The following ATXN3 variants were observed in gnomAD, a reference collection of about 807,000 sequenced individuals.
The protein encoded by ATXN3 is ataxin 3.
Under a neutral mutation model 58.2 loss-of-function variants are expected in ATXN3, and 28 were observed. The observed-to-expected ratio is 0.48, with a 90% CI of 0.36 to 0.66. ATXN3 has a LOEUF of 0.66. Among genes scored for constraint, ATXN3 ranks in the 30% least tolerant of loss-of-function variants. The pLI, the probability that ATXN3 is intolerant of heterozygous loss-of-function variation, is 0.00. For missense variants in ATXN3, 321 were observed against 422.1 expected, an observed-to-expected ratio of 0.76 and a Z score of 2.10; for synonymous variants, 113 against 138.5, an observed-to-expected ratio of 0.82 and a Z score of 1.29.
intron 1 of ATXN3, among the ~76,000 whole-genome samples, chr14:92,103,327 C>T (rs928945342): frequency 1.3e-5 from 2 of 152,218 alleles, no homozygotes; most frequent in Non-Finnish European, 2.9e-5. Flanking sequence ...ACAGAGACTA[C>T]AGCTGGCCTG....
At chr14:92,050,185 G>C (rs2057443428), upstream of ATXN3, among the ~76,000 whole-genome samples, 1 of 151,670 alleles carries the variant, frequency 6.6e-6, no homozygotes, top group Non-Finnish European at 1.5e-5. Context: ...CTGTGTGTTT[G>C]TATGTGTGTA....
At chr14:92,069,400 G>A (rs1232134752) in intron 10 of ATXN3, among the ~76,000 whole-genome samples, 1 of 97,850 alleles carries the variant, frequency 1.0e-5, no homozygotes, top group Non-Finnish European at 2.0e-5. Context: ...TTGAGACAGA[G>A]TTTTGCTCTG....
rs2058003749 is a variant in ATXN3 at position 92,064,379 on chromosome 14, C to G, written c.1027G>C (p.Ala343Pro). 1 of 1,613,122 alleles carries G rather than the reference C, an allele frequency of 6.2e-7. No individual in the cohort carries two copies. The highest frequency in any genetic ancestry group is 1.3e-5 in the African/African-American group (1 of 74,914). Residue 343 changes from alanine (A) to proline (P), a missense_variant, in exon 11 of 11, where the codon GCT (alanine) becomes CCT (proline). Ala to Pro is a conservative substitution (Grantham distance 27). Transcript: ENST00000644486. ...AMSEEDMLQA[A>P]VTMSLETVRN... ...ACAGTTTCTAAAGACATGGTCACAGCTGCCTGAAGCATGTCTTCTTCACTC... is the reference window on the plus strand; with the variant it reads ...ACAGTTTCTAAAGACATGGTCACAGGTGCCTGAAGCATGTCTTCTTCACTC...
At chr14:92,085,264 G>A (rs2062193644) in intron 6 of ATXN3, among the ~76,000 whole-genome samples, 1 of 151,482 alleles carries the variant, frequency 6.6e-6, no homozygotes, top group African/African-American at 2.4e-5. Flanking sequence ...TTGGCTCGCT[G>A]TAACCTCTGC....
At chr14:92,070,758 T>A in intron 10 of ATXN3, 177 bp downstream of exon 10, 1 of 1,330,462 alleles carries the variant, frequency 7.5e-7, no homozygotes, top group Non-Finnish European at 9.8e-7. Flanking sequence ...TTTTTTTTTT[T>A]TTCTTTTGGT....
intron 10 of ATXN3, among the ~76,000 whole-genome samples, chr14:92,067,041 A>G (rs2058578459): frequency 6.6e-6 from 1 of 152,072 alleles, no homozygotes; most frequent in Non-Finnish European, 1.5e-5. Flanking sequence ...AAGTGCTGGG[A>G]TTACAGGTGT....
At chr14:92,097,460 T>C (rs902388620) in intron 1 of ATXN3, among the ~76,000 whole-genome samples, 4 of 151,808 alleles carry the variant, frequency 2.6e-5, no homozygotes, top group Non-Finnish European at 5.9e-5. Flanking sequence ...ACTCCTGATC[T>C]TGTGATCCGC....
chr14:92,083,182 T>C lies in ATXN3; in HGVS notation c.552A>G (p.Gln184=), dbSNP rs1376588660. Reference sequence around the variant, plus strand: ...CAATAAGTTTTGGTCGATGCATCTGTTGGACCCTAATCATCTGCAGGAGTT... The same window carrying C: ...CAATAAGTTTTGGTCGATGCATCTGCTGGACCCTAATCATCTGCAGGAGTT... The part of the protein sequence containing the change: ...ADQLLQMIRV[Q]QMHRPKLIGE... The change falls in exon 7 of 11, where the codon CAA becomes CAG. Residue 184 remains glutamine (Q), a synonymous_variant. Transcript: ENST00000644486. 1 of 1,614,006 alleles carries C rather than the reference T, an allele frequency of 6.2e-7. No homozygotes were observed. The highest frequency in any genetic ancestry group is 1.3e-5 in the African/African-American group (1 of 75,038).
At chr14:92,101,435 T>G (rs1173632927) in intron 1 of ATXN3, among the ~76,000 whole-genome samples, 2 of 152,220 alleles carry the variant, frequency 1.3e-5, no homozygotes, top group Non-Finnish European at 2.9e-5. Flanking sequence ...ACAATGACAA[T>G]GAGCCCACGT....
At chr14:92,082,642 T>TC (rs1362110649) in intron 7 of ATXN3, among the ~76,000 whole-genome samples, 176 bp from the exon 8 acceptor site, 1 of 147,504 alleles carries the variant, frequency 6.8e-6, no homozygotes, top group African/African-American at 2.6e-5. Flanking sequence ...GTTTTTTTTT[T>TC]CCGTTTCTTT....
chr14:92,077,187 T>C (rs763940445), intron 9 of ATXN3, among the ~76,000 whole-genome samples: 5 of 152,154 alleles, frequency 3.3e-5, no homozygotes, highest in Admixed American at 3.3e-4. Flanking sequence ...ATATAAATTA[T>C]GCCACATCCA....
Position 92,083,229 on chromosome 14 carries a change from G to A in ATXN3, c.505C>T (p.Leu169=). 6.2e-7 allele frequency: 1 copy of A among 1,612,942 alleles called. No homozygotes were observed. Among genetic ancestry groups the A allele is most frequent in the Non-Finnish European group, 8.5e-7 (1 of 1,179,696 alleles). ...GYSIFVVKGD[L]PDCEADQLLQ... ...AGTTGGTCAGCTTCGCAATCTGGCA[G>A]ATCACCCTTAACGACAAATATAGAA... The change falls in exon 7 of 11, where the codon CTG becomes TTG. Residue 169 remains leucine (L), a synonymous_variant. Transcript: ENST00000644486.
rs549658135 is a variant in ATXN3 at position 92,084,131 on chromosome 14, T to C, written c.476-873A>G. ...GGTTCCTCAGCCTGCAGAGAGCCTA[T>C]TGTGGGACTTCACCTTGTGATCATA... On this transcript the variant is annotated intron_variant, in intron 6 of 10. Coordinates refer to ENST00000644486, the MANE Select transcript of ATXN3 (RefSeq NM_004993.6). 3.3e-5 allele frequency among the ~76,000 whole-genome samples: 5 copies of C among 152,318 alleles called. No individual in the cohort carries two copies. In the East Asian group the frequency reaches 5.8e-4, roughly 18 times the overall value.
intron 6 of ATXN3, among the ~76,000 whole-genome samples, chr14:92,088,075 CT>C (rs763494837): frequency 2.8e-4 from 41 of 144,840 alleles, no homozygotes; most frequent in Middle Eastern, 3.6e-3. Flanking sequence ...TTTTTCTTTT[CT>C]TTTTTTTTTT....
intron 1 of ATXN3, among the ~76,000 whole-genome samples, chr14:92,048,633 C>T (rs1156314646): frequency 6.6e-6 from 1 of 152,140 alleles, no homozygotes; most frequent in East Asian, 1.9e-4. Flanking sequence ...GCCTTCAGCT[C>T]CAGCCACCTC....
chr14:92,057,099 G>T (rs757380261), downstream of ATXN3, among the ~76,000 whole-genome samples: 8 of 152,170 alleles, frequency 5.3e-5, no homozygotes, highest in Non-Finnish European at 5.9e-5. Context: ...AAAAGGGCAG[G>T]CATGAATAAT....
At chr14:92,051,097 T>G (rs2057446332), upstream of ATXN3, among the ~76,000 whole-genome samples, 2 of 152,224 alleles carry the variant, frequency 1.3e-5, no homozygotes, top group Admixed American at 1.3e-4. Flanking sequence ...AATAAAAGAT[T>G]TAGCACTCTT....
intron 9 of ATXN3, among the ~76,000 whole-genome samples, chr14:92,078,963 A>C (rs530123411): frequency 3.9e-4 from 59 of 152,210 alleles, no homozygotes; most frequent in Middle Eastern, 6.8e-3. Flanking sequence ...AGGCAGGTGG[A>C]TCACTTGAGG....
At chr14:92,090,198 G>A (rs910286032) in intron 5 of ATXN3, among the ~76,000 whole-genome samples, 2 of 152,130 alleles carry the variant, frequency 1.3e-5, no homozygotes, top group Admixed American at 6.6e-5. Flanking sequence ...GAACACCTGG[G>A]CTTAAGTGAT....
Sources: allele counts gnomAD v4.1 joint callset (sites outside exome capture counted in the v4.1 genomes callset), GRCh38; gene constraint gnomAD v4.1.1; transcripts MANE v1.5; gene names NCBI Gene and HGNC (gene_info 2026-07-23, HGNC 2026-07-21).